The following FSTL4 variants were observed in gnomAD, a reference collection of about 807,000 sequenced individuals.
The protein encoded by FSTL4 is follistatin like 4.
A neutral mutation model predicts 78.2 loss-of-function variants in FSTL4; 28 were observed. The observed-to-expected ratio is 0.36, with a 90% CI of 0.27 to 0.49. The LOEUF (loss-of-function observed/expected upper bound fraction) is 0.49. Among genes scored for constraint, FSTL4 ranks in the 20% least tolerant of loss-of-function variants. FSTL4 has a pLI of 0.98. For missense variants in FSTL4, 922 were observed against 1,084.9 expected, an observed-to-expected ratio of 0.85 and a Z score of 2.11; for synonymous variants, 422 against 440.5, an observed-to-expected ratio of 0.96 and a Z score of 0.53.
the FSTL4 span, among the ~76,000 whole-genome samples, chr5:133,713,694 C>T: frequency 2.6e-5 from 4 of 152,108 alleles, no homozygotes; most frequent in African/African-American, 7.2e-5. Context: ...GCCACTGGGT[C>T]CTGGGTGGGA....
At chr5:133,661,730 T>A in the FSTL4 span, among the ~76,000 whole-genome samples, 1 of 152,238 alleles carries the variant, frequency 6.6e-6, no homozygotes, top group Non-Finnish European at 1.5e-5. Flanking sequence ...CATAATCATT[T>A]CTTAGAATTG....
chr5:133,658,149 A>G, the FSTL4 span, among the ~76,000 whole-genome samples: 11 of 152,284 alleles, frequency 7.2e-5, no homozygotes, highest in Admixed American at 5.9e-4. Flanking sequence ...TGCATGTTTT[A>G]AAAGATAAAC....
intron 2 of FSTL4, among the ~76,000 whole-genome samples, chr5:133,598,727 C>T (rs975696026): frequency 1.8e-4 from 28 of 151,932 alleles, no homozygotes; most frequent in Admixed American, 1.2e-3. Flanking sequence ...CCAGGGTCCA[C>T]GGCCCTGGGG....
chr5:133,399,469 G>A (rs191431125), intron 4 of FSTL4, among the ~76,000 whole-genome samples: 1 of 152,316 alleles, frequency 6.6e-6, no homozygotes, highest in East Asian at 1.9e-4. Context: ...ACTCTATGCT[G>A]CCACGACTGC....
the FSTL4 span, among the ~76,000 whole-genome samples, chr5:133,801,677 A>G: frequency 6.5e-3 from 985 of 152,354 alleles, 12 homozygotes; most frequent in African/African-American, 0.023. Flanking sequence ...GGTTCAGCCC[A>G]GGTGCAGTTA....
At chr5:133,722,957 G>T in the FSTL4 span, among the ~76,000 whole-genome samples, 2 of 152,196 alleles carry the variant, frequency 1.3e-5, no homozygotes, top group Non-Finnish European at 2.9e-5. Context: ...GGTCAAAGGC[G>T]TTAGTGATCC....
the FSTL4 span, among the ~76,000 whole-genome samples, chr5:133,795,370 C>T: frequency 6.6e-6 from 1 of 152,218 alleles, no homozygotes; most frequent in Admixed American, 6.5e-5. Context: ...CTCATGTTCA[C>T]TGTGGAAGGA....
intron 4 of FSTL4, among the ~76,000 whole-genome samples, chr5:133,364,539 A>G (rs1755140266): frequency 6.6e-6 from 1 of 152,218 alleles, no homozygotes; most frequent in Non-Finnish European, 1.5e-5. Context: ...CTCCTGACAC[A>G]TTAGCAAGCA....
intron 4 of FSTL4, among the ~76,000 whole-genome samples, chr5:133,386,866 C>T (rs767960664): frequency 2.0e-5 from 3 of 152,148 alleles, no homozygotes; most frequent in Non-Finnish European, 1.5e-5. Flanking sequence ...GGGGTTGTCA[C>T]GTCACATAGC....
intron 4 of FSTL4, among the ~76,000 whole-genome samples, chr5:133,324,359 C>A (rs1038652528): frequency 2.6e-5 from 4 of 152,242 alleles, no homozygotes; most frequent in African/African-American, 7.2e-5. Flanking sequence ...AAGGCCCAAG[C>A]CTTGGATCCC....
Position 133,199,428 on chromosome 5 carries a change from C to G in FSTL4, c.2196G>C (p.Ser732=). The change falls in exon 16 of 16, where the codon TCG becomes TCC. Residue 732 remains serine (S), a synonymous_variant. Coordinates refer to ENST00000265342, the MANE Select transcript of FSTL4 (RefSeq NM_015082.2). The surrounding 1 kb of genome is among the most constrained non-coding windows in gnomAD (Gnocchi z 4.4). ...GCTGGAAGGCCAAGTCTGAGATGCC[C>G]GAGTTTATTTGCAGGTCATACAGGG... ...IQTLYDLQIN[S]GISDLAFQRS... 6.2e-7 allele frequency: 1 copy of G among 1,614,164 alleles called. No individual in the cohort carries two copies. Among genetic ancestry groups the G allele is most frequent in the Non-Finnish European group, 8.5e-7 (1 of 1,180,012 alleles).
intron 4 of FSTL4, among the ~76,000 whole-genome samples, chr5:133,359,924 G>A (rs958103551): frequency 2.6e-5 from 4 of 152,284 alleles, no homozygotes; most frequent in East Asian, 3.9e-4. Flanking sequence ...CTGACTCCCC[G>A]TGCTGCTGAG....
chr5:133,411,425 T>C (rs1362130009), intron 3 of FSTL4, among the ~76,000 whole-genome samples: 2 of 152,170 alleles, frequency 1.3e-5, no homozygotes, highest in East Asian at 3.9e-4. Context: ...TGGTCACTAT[T>C]GAGATGTCAA....
intron 1 of FSTL4, among the ~76,000 whole-genome samples, chr5:133,607,829 G>C (rs982466588): frequency 6.6e-6 from 1 of 151,962 alleles, no homozygotes; most frequent in African/African-American, 2.4e-5. Flanking sequence ...TTCTACCCCG[G>C]GATGGGGGCC....
the FSTL4 span, among the ~76,000 whole-genome samples, chr5:133,753,727 G>GTGTGTGTGTGTGTA: frequency 4.8e-3 from 642 of 134,844 alleles, 10 homozygotes; most frequent in Middle Eastern, 7.5e-3. Flanking sequence ...GTGTGTGTGT[G>GTGTGTGTGTGTGTA]TAGTGGCAGG....
At chr5:133,437,506 T>C (rs1757061089) in intron 3 of FSTL4, among the ~76,000 whole-genome samples, 1 of 149,676 alleles carries the variant, frequency 6.7e-6, no homozygotes. Flanking sequence ...TTTTTTTTTT[T>C]TGAGATAGAG....
intron 1 of FSTL4, among the ~76,000 whole-genome samples, chr5:133,609,936 C>G (rs1191356851): frequency 6.6e-6 from 1 of 152,134 alleles, no homozygotes; most frequent in Non-Finnish European, 1.5e-5. Flanking sequence ...TTGCATTAAG[C>G]TAGGAAGCAC....
intron 3 of FSTL4, among the ~76,000 whole-genome samples, chr5:133,408,945 A>G (rs554154900): frequency 1.2e-4 from 18 of 152,360 alleles, no homozygotes; most frequent in African/African-American, 4.3e-4. Flanking sequence ...ATTCAAGTGC[A>G]TGAACATGTG....
chr5:133,840,052 A>G, the FSTL4 span, among the ~76,000 whole-genome samples: 1 of 152,164 alleles, frequency 6.6e-6, no homozygotes, highest in Non-Finnish European at 1.5e-5. Context: ...AGTAAGAAAC[A>G]AGGAGAAAGG....
Sources: gnomAD v4.1 joint callset for allele counts (sites outside exome capture counted in the v4.1 genomes callset) on GRCh38, gnomAD v4.1.1 for gene constraint, Gnocchi (gnomAD v3.1) non-coding constraint, MANE v1.5 for transcripts, NCBI Gene and HGNC (gene_info 2026-07-23, HGNC 2026-07-21) for gene names.